Variants in EPCAM observed in about 807,000 individuals in gnomAD.
EPCAM encodes adenocarcinoma-associated antigen.
EPCAM carries 39 observed loss-of-function variants against 40.0 expected under a neutral mutation model. The ratio of observed to expected loss-of-function variants is 0.98; its 90% CI spans 0.76 to 1.27. The LOEUF (loss-of-function observed/expected upper bound fraction) is 1.27, where lower values mean the gene tolerates loss of function less well. Among genes scored for constraint, EPCAM ranks in the 50% most tolerant of loss-of-function variants. EPCAM has a pLI of 0.00. For synonymous variants in EPCAM, 168 were observed against 132.3 expected (o/e 1.27, Z -1.85); for missense variants, 503 against 381.2 (o/e 1.32, Z -2.66).
chr2:47,382,142 G>T (rs553299296), intron 7 of EPCAM, among the ~76,000 whole-genome samples: 2 of 151,710 alleles, frequency 1.3e-5, no homozygotes, highest in Non-Finnish European at 2.9e-5. Flanking sequence ...AAAAAATAAC[G>T]ATGGGCATGA....
chr2:47,373,832 AG>A lies in EPCAM; in HGVS notation c.211del (p.Ala71GlnfsTer3). Reference protein sequence around the residue: ...SKLAAKCLVMKAEMNGSKLGR... With the variant: ...SKLAAKCLVMXAEMNGSKLGR... Reference sequence around the variant, plus strand: ...GTGGCTGCCAAATGTTTGGTGATGAAGGCAGAAATGAATGGCTCAAAACTTG... The same window carrying A: ...GTGGCTGCCAAATGTTTGGTGATGAAGCAGAAATGAATGGCTCAAAACTTG... On this transcript the variant is annotated frameshift_variant, in exon 3 of 9. Transcript: ENST00000263735. LOFTEE classifies it high-confidence loss of function. 6.2e-7 allele frequency: 1 copy of A among 1,614,076 alleles called. No homozygotes were observed. Among genetic ancestry groups the A allele is most frequent in the Non-Finnish European group, 8.5e-7 (1 of 1,180,026 alleles).
In EPCAM at chr2:47,373,944, C is replaced by G. The variant is rs201970884; in HGVS notation, c.321C>G (p.Ala107=). ...PDCDESGLFK[A]KQCNGTSMCW... ...GCGATGAGAGCGGGCTCTTTAAGGC[C>G]AAGCAGTGCAACGGCACCTCCATGT... The change falls in exon 3 of 9, where the codon GCC becomes GCG. Residue 107 remains alanine, a synonymous_variant. Transcript: ENST00000263735. 6.2e-7 allele frequency: 1 copy of G among 1,614,030 alleles called. No individual in the cohort carries two copies. The highest frequency in any genetic ancestry group is 8.5e-7 in the Non-Finnish European group (1 of 1,180,018).
chr2:47,379,190 C>A, intron 6 of EPCAM, 136 bp downstream of exon 6: 2 of 668,556 alleles, frequency 3.0e-6, no homozygotes, highest in South Asian at 1.6e-5. Context: ...TTTTGTCCTC[C>A]CTGTCACTCA....
rs1671751209 is a variant in EPCAM, at chr2:47,386,706, A to G, written c.*93A>G. 7 of 996,812 alleles carry G rather than the reference A, an allele frequency of 7.0e-6. No homozygotes were observed. Among genetic ancestry groups the G allele is most frequent in the Non-Finnish European group, 1.1e-5 (7 of 626,528 alleles). 61.7% of individuals were successfully genotyped at this position (996,812 alleles called of 1,614,324 possible). A position where few individuals can be genotyped will look rare whatever the true frequency, so the allele number is the denominator to read the frequency against. ...TGGGACGAAGACATCTTTGAAGGTCATGAGTTTGTTAGTTTAACATCATAT... is the reference window on the plus strand; with the variant it reads ...TGGGACGAAGACATCTTTGAAGGTCGTGAGTTTGTTAGTTTAACATCATAT... On this transcript the variant is annotated 3_prime_UTR_variant, in exon 9 of 9. Transcript: ENST00000263735.
intron 7 of EPCAM, 77 bp from the exon 8 acceptor site, chr2:47,385,089 A>AT (rs1419717051): frequency 3.6e-5 from 39 of 1,075,670 alleles, no homozygotes; most frequent in Non-Finnish European, 5.6e-5. Context: ...TATGTCCATT[A>AT]AAAGCATATA....
rs201645229 is a variant in EPCAM, at chr2:47,373,551, T to C, written c.165T>C (p.Asn55=). Residue 55 remains asparagine (N), a synonymous_variant, in exon 2 of 9, where the codon AAT becomes AAC. Coordinates refer to ENST00000263735, the MANE Select transcript of EPCAM (RefSeq NM_002354.3). ...AGTGTACTTCAGTTGGTGCACAAAATACTGTCATTTGCTCAAAGCGTGAGT... is the reference window on the plus strand; with the variant it reads ...AGTGTACTTCAGTTGGTGCACAAAACACTGTCATTTGCTCAAAGCGTGAGT... ...QCQCTSVGAQ[N]TVICSKLAAK... is the part of the protein sequence containing the mutation. 9.9e-6 allele frequency: 16 copies of C among 1,612,250 alleles called. No homozygotes were observed. The highest frequency in any genetic ancestry group is 1.7e-4 in the Middle Eastern group (1 of 6,058).
At chr2:47,382,425 G>A (rs550358606) in intron 7 of EPCAM, among the ~76,000 whole-genome samples, 5 of 152,178 alleles carry the variant, frequency 3.3e-5, no homozygotes, top group Non-Finnish European at 5.9e-5. Flanking sequence ...GGTGGCTTAC[G>A]CCTATAATCC....
chr2:47,373,151 A>T (rs2103744494), intron 1 of EPCAM, among the ~76,000 whole-genome samples: 1 of 149,486 alleles, frequency 6.7e-6, no homozygotes, highest in South Asian at 2.1e-4. Context: ...GCTGCAGTAA[A>T]CCAAGATTGT....
intron 1 of EPCAM, chr2:47,369,932 G>A (rs1671205065): frequency 2.5e-6 from 1 of 399,316 alleles, no homozygotes; most frequent in African/African-American, 2.1e-5. Context: ...TCGGTTCGGG[G>A]TGGACTTGGG....
Position 47,369,432 on chromosome 2 carries a change from G to A in EPCAM, c.-74G>A. The stretch of plus-strand genomic sequence containing the variant: ...TCGCGCTGCCCGGCCGGCTCCTCGT[G>A]TCCCACTCCCGGCGCACGCCCTCCC... On this transcript the variant is annotated 5_prime_UTR_variant, in exon 1 of 9. Coordinates refer to ENST00000263735, the MANE Select transcript of EPCAM (RefSeq NM_002354.3). 1 of 1,326,212 alleles carries A rather than the reference G, an allele frequency of 7.5e-7. No individual in the cohort carries two copies. The highest frequency in any genetic ancestry group is 9.8e-7 in the Non-Finnish European group (1 of 1,025,560). The allele number at this position is 1,326,212 out of a possible 1,614,324, so 82.2% of individuals were successfully genotyped here. A position where few individuals can be genotyped will look rare whatever the true frequency, so the allele number is the denominator to read the frequency against.
chr2:47,386,361 G>A (rs961630225), intron 8 of EPCAM, among the ~76,000 whole-genome samples: 3 of 152,068 alleles, frequency 2.0e-5, no homozygotes, highest in Non-Finnish European at 2.9e-5. Flanking sequence ...TCACTTTGGC[G>A]ATCTTGTCTC....
At chr2:47,379,617 T>G (rs1483369765) in intron 6 of EPCAM, 152 bp from the exon 7 acceptor site, 20 of 911,026 alleles carry the variant, frequency 2.2e-5, no homozygotes, top group African/African-American at 8.4e-5. Flanking sequence ...TAATAAACAG[T>G]TTTTTAAAGT....
intron 1 of EPCAM, among the ~76,000 whole-genome samples, 157 bp from the exon 2 acceptor site, chr2:47,373,306 G>A (rs1175883382): frequency 6.7e-6 from 1 of 149,726 alleles, no homozygotes; most frequent in African/African-American, 2.5e-5. Flanking sequence ...CAGGCACTTA[G>A]GCAGTAGTCT....
At chr2:47,384,323 T>C (rs1305867265) in intron 7 of EPCAM, among the ~76,000 whole-genome samples, 1 of 151,910 alleles carries the variant, frequency 6.6e-6, no homozygotes, top group African/African-American at 2.4e-5. Context: ...AGGCTGGTCT[T>C]GAACTCCTGA....
intron 8 of EPCAM, among the ~76,000 whole-genome samples, chr2:47,386,357 T>C (rs1257600834): frequency 1.3e-5 from 2 of 152,226 alleles, no homozygotes; most frequent in Non-Finnish European, 2.9e-5. Context: ...CTAGTCACTT[T>C]GGCGATCTTG....
chr2:47,371,363 C>T (rs1359866544), intron 1 of EPCAM, among the ~76,000 whole-genome samples: 1 of 149,030 alleles, frequency 6.7e-6, no homozygotes, highest in African/African-American at 2.5e-5. Flanking sequence ...CAGGCTCAAG[C>T]GATGCTCTTA....
intron 5 of EPCAM, among the ~76,000 whole-genome samples, 198 bp downstream of exon 5, chr2:47,377,275 TC>T (rs1165057058): frequency 1.3e-5 from 2 of 152,052 alleles, no homozygotes; most frequent in Non-Finnish European, 2.9e-5. Flanking sequence ...ATTGCTCTCT[TC>T]CCCAGGCTGG....
Position 47,383,607 on chromosome 2 carries a change from C to G in EPCAM, c.859-1559C>G, listed in dbSNP as rs555033092. ...CATGAGCCACTGTGCCCGGCTTCTT[C>G]TTTTTTTTTTTTTTTTTTTTTTTTT... On this transcript the variant is annotated intron_variant, in intron 7 of 8. Transcript: ENST00000263735. Among the ~76,000 whole-genome samples, 4 of 36,480 alleles carry G rather than the reference C, an allele frequency of 1.1e-4. No homozygotes were observed. The South Asian group carries it at 4.4e-3, about 40-fold the overall frequency. The allele number at this position is 36,480 out of a possible 152,430, so 23.9% of individuals were successfully genotyped here.
intron 5 of EPCAM, among the ~76,000 whole-genome samples, chr2:47,377,312 A>G (rs3923035): frequency 1.2e-3 from 178 of 151,992 alleles, no homozygotes; most frequent in African/African-American, 1.9e-3. Context: ...TCTCGGCTCA[A>G]TGTAACCTCT....
Sources: gnomAD v4.1 joint callset for allele counts (sites outside exome capture counted in the v4.1 genomes callset) on GRCh38, gnomAD v4.1.1 for gene constraint, MANE v1.5 for transcripts, NCBI Gene and HGNC (gene_info 2026-07-23, HGNC 2026-07-21) for gene names.